KALRN: variants seen among roughly 807,000 people sequenced by gnomAD.
KALRN encodes kalirin.
KALRN carries 70 observed loss-of-function variants against 353.7 expected under a neutral mutation model. That is an observed-to-expected ratio of 0.20 (90% confidence interval 0.16 to 0.24). The LOEUF (loss-of-function observed/expected upper bound fraction) is 0.24. Among genes scored for constraint, KALRN ranks in the 10% least tolerant of loss-of-function variants. The pLI is 1.00. For missense variants in KALRN, 2,791 were observed against 3,756.7 expected (o/e 0.74, Z 6.72); for synonymous variants, 1,391 against 1,434.8 (o/e 0.97, Z 0.69).
chr3:124,246,848 A>G (rs2070353718), intron 3 of KALRN, among the ~76,000 whole-genome samples: 1 of 152,046 alleles, frequency 6.6e-6, no homozygotes, highest in Non-Finnish European at 1.5e-5. Context: ...TTTAGCTGGG[A>G]TTCATTTGGC....
intron 26 of KALRN, among the ~76,000 whole-genome samples, chr3:124,475,074 AT>A (rs1323526576): frequency 6.6e-6 from 1 of 152,124 alleles, no homozygotes; most frequent in Non-Finnish European, 1.5e-5. Context: ...TTTAAAAAAA[AT>A]TTTTTATCTT....
intron 5 of KALRN, among the ~76,000 whole-genome samples, chr3:124,283,364 T>A (rs1273126095): frequency 6.6e-6 from 1 of 152,260 alleles, no homozygotes; most frequent in East Asian, 1.9e-4. Context: ...AAATAGGATT[T>A]GACCTCTTCA....
chr3:124,341,177 C>A (rs186230174), intron 9 of KALRN, among the ~76,000 whole-genome samples: 3 of 152,172 alleles, frequency 2.0e-5, no homozygotes, highest in Non-Finnish European at 4.4e-5. Flanking sequence ...TTGGAAAAGA[C>A]TGTTCTTGGA....
At chr3:124,326,295 A>C (rs1461386254) in intron 7 of KALRN, 124 bp downstream of exon 7, 6 of 661,960 alleles carry the variant, frequency 9.1e-6, no homozygotes, top group South Asian at 3.2e-5. Context: ...GAAACACTGA[A>C]GACCCTGCCG....
Position 124,195,561 on chromosome 3 carries a change from C to T in KALRN, c.74-32429C>T, listed in dbSNP as rs376715515. The stretch of plus-strand genomic sequence containing the variant: ...CTCCTCCTCAAGGGCCATGTAGAAT[C>T]ACCTGTCTTATCCAACCTGCCCTAA... On this transcript the variant is annotated intron_variant, in intron 1 of 59. Transcript: ENST00000682506. Among the ~76,000 whole-genome samples the T allele has an allele frequency of 5.9e-5, 9 of 152,288 alleles. 1 individual carries two copies. The South Asian group carries it at 1.0e-3, about 18-fold the overall frequency.
At chr3:124,398,538 G>A (rs370440137) in intron 12 of KALRN, among the ~76,000 whole-genome samples, 159 bp from the exon 13 acceptor site, 5 of 152,208 alleles carry the variant, frequency 3.3e-5, no homozygotes, top group Non-Finnish European at 7.3e-5. Context: ...TAAGCAGAGA[G>A]CATCAGGCTC....
At chr3:124,358,491 C>T (rs879601537) in intron 10 of KALRN, among the ~76,000 whole-genome samples, 3 of 152,184 alleles carry the variant, frequency 2.0e-5, no homozygotes, top group Admixed American at 6.5e-5. Context: ...AAGTGGTATA[C>T]TGTATGTTGA....
chr3:124,529,293 A>G (rs1180459985), intron 33 of KALRN, among the ~76,000 whole-genome samples: 2 of 152,180 alleles, frequency 1.3e-5, no homozygotes, highest in Non-Finnish European at 2.9e-5. Flanking sequence ...AAAACTTCCC[A>G]TCTTTAGTGC....
chr3:124,277,323 T>C (rs1442227602), intron 5 of KALRN, among the ~76,000 whole-genome samples: 1 of 152,110 alleles, frequency 6.6e-6, no homozygotes, highest in Non-Finnish European at 1.5e-5. Flanking sequence ...TGCCCTCTTG[T>C]TCCTGCTCTC....
chr3:124,049,053 G>T (rs572977666), intron 1 of KALRN, among the ~76,000 whole-genome samples: 11 of 152,278 alleles, frequency 7.2e-5, no homozygotes, highest in African/African-American at 1.9e-4. Context: ...GTTCTCTGAA[G>T]GATAACTTTT....
At position 124,326,144 on chromosome 3, in the gene KALRN, T is replaced by C. The variant is rs2079882352; in HGVS notation, c.1257T>C (p.Ser419=). 4 of 1,612,540 alleles carry C rather than the reference T, an allele frequency of 2.5e-6. No homozygotes were observed. The South Asian group carries it at 4.4e-5, about 18-fold the overall frequency. ...LDERSTILAM[S]AVFHQKAEQF... is the part of the protein sequence containing the mutation. Reference sequence around the variant, plus strand: ...AACGCAGCACCATCCTCGCCATGTCTGCTGTGTTCCACCAGAAGGCTGAGC... The same window carrying C: ...AACGCAGCACCATCCTCGCCATGTCCGCTGTGTTCCACCAGAAGGCTGAGC... Residue 419 remains serine (S), a synonymous_variant, in exon 7 of 60, where the codon TCT becomes TCC. Coordinates refer to ENST00000682506, the MANE Select transcript of KALRN (RefSeq NM_001388419.1).
At chr3:124,318,864 G>A (rs886194819) in intron 6 of KALRN, among the ~76,000 whole-genome samples, 1 of 152,218 alleles carries the variant, frequency 6.6e-6, no homozygotes, top group East Asian at 1.9e-4. Context: ...TGAACGTGTC[G>A]CTTGACTGAT....
At chr3:124,167,496 G>C (rs2071065569) in intron 1 of KALRN, among the ~76,000 whole-genome samples, 1 of 152,238 alleles carries the variant, frequency 6.6e-6, no homozygotes, top group East Asian at 1.9e-4. Context: ...GGTTGAGCTA[G>C]ATGGTTTTTA....
At chr3:124,127,499 A>G (rs1266369784) in intron 1 of KALRN, among the ~76,000 whole-genome samples, 3 of 152,168 alleles carry the variant, frequency 2.0e-5, no homozygotes, top group African/African-American at 7.2e-5. Context: ...CTCTTTCAGG[A>G]AGTCTGCTTT....
At chr3:124,269,369 C>A in intron 5 of KALRN, 114 bp downstream of exon 5, 1 of 1,157,460 alleles carries the variant, frequency 8.6e-7, no homozygotes, top group Non-Finnish European at 1.2e-6. Context: ...AAACAGTGTG[C>A]CTACTAGTTT....
At chr3:124,062,123 AGT>A (rs2042041781) in intron 1 of KALRN, among the ~76,000 whole-genome samples, 1 of 152,086 alleles carries the variant, frequency 6.6e-6, no homozygotes, top group African/African-American at 2.4e-5. Context: ...TAAGCCTGTG[AGT>A]GTGTTTGTGT....
In KALRN at chr3:124,192,918, C is replaced by T. The variant is rs532149175; in HGVS notation, c.74-35072C>T. On this transcript the variant is annotated intron_variant, in intron 1 of 59. Coordinates refer to ENST00000682506, the MANE Select transcript of KALRN (RefSeq NM_001388419.1). Reference sequence around the variant, plus strand: ...TTATGGAAGCCCTAGCAAAGTAATACACTGATACCATGAGTTAACTATTAA... The same window carrying T: ...TTATGGAAGCCCTAGCAAAGTAATATACTGATACCATGAGTTAACTATTAA... 2.0e-5 allele frequency among the ~76,000 whole-genome samples: 3 copies of T among 152,348 alleles called. No homozygotes were observed. In the East Asian group the frequency reaches 5.8e-4, roughly 29 times the overall value.
intron 9 of KALRN, among the ~76,000 whole-genome samples, chr3:124,341,682 A>G (rs1245128261): frequency 6.6e-6 from 1 of 152,182 alleles, no homozygotes; most frequent in African/African-American, 2.4e-5. Context: ...TCAATTAAAC[A>G]TGTATTAAGC....
chr3:124,466,411 G>A (rs2060353457), intron 25 of KALRN, among the ~76,000 whole-genome samples: 1 of 152,176 alleles, frequency 6.6e-6, no homozygotes, highest in African/African-American at 2.4e-5. Flanking sequence ...TCCCTAGACA[G>A]TAATGATTTT....
Sources: allele counts gnomAD v4.1 joint callset (sites outside exome capture counted in the v4.1 genomes callset), GRCh38; gene constraint gnomAD v4.1.1; transcripts MANE v1.5; gene names NCBI Gene and HGNC (gene_info 2026-07-23, HGNC 2026-07-21).